Variants in FYN observed in about 807,000 individuals in gnomAD.
FYN encodes FYN proto-oncogene, Src family tyrosine kinase.
A neutral mutation model predicts 70.2 loss-of-function variants in FYN; 10 were observed. That is an observed-to-expected ratio of 0.14 (90% confidence interval 0.09 to 0.24). The LOEUF (loss-of-function observed/expected upper bound fraction) is 0.24, where lower values mean the gene tolerates loss of function less well. Ranked by LOEUF, FYN falls within the 10% of genes least tolerant of loss-of-function variation. FYN has a pLI of 1.00. For missense variants in FYN, 319 were observed against 673.1 expected (o/e 0.47, Z 5.82); for synonymous variants, 236 against 248.6 (o/e 0.95, Z 0.48).
chr6:111,725,751 T>C (rs543520213), intron 3 of FYN, among the ~76,000 whole-genome samples: 1 of 152,182 alleles, frequency 6.6e-6, no homozygotes, highest in African/African-American at 2.4e-5. Flanking sequence ...AATATGTGCC[T>C]TGCTAAATGA....
chr6:111,661,390 A>G lies in FYN; in HGVS notation c.*349T>C, dbSNP rs1415202390. On this transcript the variant is annotated 3_prime_UTR_variant, in exon 14 of 14. Transcript: ENST00000354650. The surrounding 1 kb of genome is among the most constrained non-coding windows in gnomAD (Gnocchi z 4.0). Reference sequence around the variant, plus strand: ...AGTTGAATCAGGTGAAGACAGAGTTAAAATCACATAGGATTTGCATTTTTA... The same window carrying G: ...AGTTGAATCAGGTGAAGACAGAGTTGAAATCACATAGGATTTGCATTTTTA... The G allele has an allele frequency of 1.1e-5, 2 of 185,730 alleles. No individual in the cohort carries two copies. The highest frequency in any genetic ancestry group is 2.2e-5 in the Non-Finnish European group (2 of 90,288). 11.5% of individuals were successfully genotyped at this position (185,730 alleles called of 1,614,324 possible). A position where few individuals can be genotyped will look rare whatever the true frequency, so the allele number is the denominator to read the frequency against.
intron 9 of FYN, 184 bp downstream of exon 9, chr6:111,699,913 CTTTTTTT>C (rs71021861): frequency 1.2e-3 from 233 of 186,528 alleles, no homozygotes; most frequent in South Asian, 2.6e-3. Flanking sequence ...CACTTACTAT[CTTTTTTT>C]TTTTTTTTTT....
intron 6 of FYN, among the ~76,000 whole-genome samples, chr6:111,706,811 G>A (rs1326338036): frequency 6.6e-6 from 1 of 152,028 alleles, no homozygotes; most frequent in Non-Finnish European, 1.5e-5. Flanking sequence ...TTTTTATTCT[G>A]AAAGAACACA....
chr6:111,713,543 C>T (rs1800484779), intron 5 of FYN, among the ~76,000 whole-genome samples: 2 of 151,940 alleles, frequency 1.3e-5, no homozygotes, highest in Admixed American at 6.6e-5. Context: ...TGGAACCCCA[C>T]CCCCCCACAC....
chr6:111,814,413 G>T (rs763315777), intron 2 of FYN, among the ~76,000 whole-genome samples: 11 of 151,980 alleles, frequency 7.2e-5, no homozygotes, highest in Non-Finnish European at 1.6e-4. Flanking sequence ...AACATAAAAA[G>T]ATTTTTTTTC....
intron 3 of FYN, among the ~76,000 whole-genome samples, chr6:111,743,200 C>T (rs1308377332): frequency 6.6e-6 from 1 of 152,208 alleles, no homozygotes; most frequent in East Asian, 1.9e-4. Context: ...CTCCTGACCT[C>T]GTGATCTGCC....
In FYN at chr6:111,873,291, G is replaced by C. The variant is rs1232512480; in HGVS notation, c.-446C>G. On this transcript the variant is annotated 5_prime_UTR_variant, in exon 1 of 14. Coordinates refer to ENST00000354650, the MANE Select transcript of FYN (RefSeq NM_002037.5). Reference sequence around the variant, plus strand: ...CAACCTCGCCTCTACTCTCGCCGCCGGGCGGCGGGCGGGTCTCGAAGGCCT... The same window carrying C: ...CAACCTCGCCTCTACTCTCGCCGCCCGGCGGCGGGCGGGTCTCGAAGGCCT... The C allele has an allele frequency of 1.3e-5, 2 of 150,462 alleles. No homozygotes were observed. Among genetic ancestry groups the C allele is most frequent in the Admixed American group, 6.6e-5 (1 of 15,172 alleles). 9.3% of individuals were successfully genotyped at this position (150,462 alleles called of 1,614,324 possible).
chr6:111,810,734 C>T (rs1772297421), intron 2 of FYN, among the ~76,000 whole-genome samples: 1 of 152,198 alleles, frequency 6.6e-6, no homozygotes, highest in Non-Finnish European at 1.5e-5. Context: ...CTGTGCCTCC[C>T]CGAAAACCCA....
intron 3 of FYN, among the ~76,000 whole-genome samples, chr6:111,732,771 G>A (rs571624376): frequency 1.3e-5 from 2 of 152,196 alleles, no homozygotes; most frequent in African/African-American, 2.4e-5. Flanking sequence ...GCTGGGAAGT[G>A]GGTGTGGTGC....
chr6:111,818,172 T>C (rs1424729862), intron 2 of FYN, among the ~76,000 whole-genome samples: 3 of 152,184 alleles, frequency 2.0e-5, no homozygotes, highest in African/African-American at 7.2e-5. Context: ...CTTGCAGTAT[T>C]TACCCCCAAA....
chr6:111,861,434 G>A (rs1271135414), intron 1 of FYN, among the ~76,000 whole-genome samples: 2 of 152,172 alleles, frequency 1.3e-5, no homozygotes, highest in East Asian at 1.9e-4. Flanking sequence ...TTGTGGTAGC[G>A]GGGAGGTGGC....
chr6:111,847,354 C>T (rs111418066), intron 1 of FYN, among the ~76,000 whole-genome samples: 13 of 152,334 alleles, frequency 8.5e-5, no homozygotes, highest in African/African-American at 3.1e-4. Context: ...TGCTCACACG[C>T]TGTGCCTACA....
chr6:111,678,516 T>A (rs192741061), intron 12 of FYN, among the ~76,000 whole-genome samples: 1 of 152,316 alleles, frequency 6.6e-6, no homozygotes, highest in Admixed American at 6.5e-5. Flanking sequence ...AGGGATCTTA[T>A]TCAATCCCAT....
chr6:111,730,338 G>A (rs1387136843), intron 3 of FYN, among the ~76,000 whole-genome samples: 2 of 152,178 alleles, frequency 1.3e-5, no homozygotes. Context: ...CTGGATTAGT[G>A]GGGTTTTGAG....
intron 3 of FYN, among the ~76,000 whole-genome samples, chr6:111,742,878 T>C (rs1053523996): frequency 1.3e-5 from 2 of 152,122 alleles, no homozygotes; most frequent in Admixed American, 6.5e-5. Context: ...ACCAATGAGT[T>C]ACAATTTGTC....
chr6:111,698,624 T>G (rs551083028), intron 9 of FYN, among the ~76,000 whole-genome samples: 2 of 152,288 alleles, frequency 1.3e-5, no homozygotes, highest in African/African-American at 4.8e-5. Flanking sequence ...TAAGCAAAGC[T>G]GTAACTGACC....
intron 2 of FYN, among the ~76,000 whole-genome samples, chr6:111,832,473 T>C (rs959807650): frequency 3.3e-5 from 5 of 152,220 alleles, no homozygotes; most frequent in Admixed American, 6.5e-5. Flanking sequence ...TAAACTGTCA[T>C]ATTGCCTGTG....
chr6:111,851,216 G>C (rs1383339117), intron 1 of FYN, among the ~76,000 whole-genome samples: 2 of 152,182 alleles, frequency 1.3e-5, no homozygotes, highest in South Asian at 2.1e-4. Flanking sequence ...ACATTGGGAG[G>C]ATGGCACAGG....
intron 10 of FYN, among the ~76,000 whole-genome samples, chr6:111,695,901 T>C (rs942598594): frequency 3.3e-5 from 5 of 152,190 alleles, no homozygotes; most frequent in African/African-American, 1.2e-4. Context: ...CAGTGTCTGA[T>C]ATTAATTGTT....
Sources: gnomAD v4.1 joint callset for allele counts (sites outside exome capture counted in the v4.1 genomes callset) on GRCh38, gnomAD v4.1.1 for gene constraint, Gnocchi (gnomAD v3.1) non-coding constraint, MANE v1.5 for transcripts, NCBI Gene and HGNC (gene_info 2026-07-23, HGNC 2026-07-21) for gene names.